Variants in AARS1 observed in about 807,000 individuals in gnomAD.
The protein encoded by AARS1 is alanyl-tRNA synthetase 1.
A neutral mutation model predicts 108.9 loss-of-function variants in AARS1; 72 were observed. That is an observed-to-expected ratio of 0.66 (90% CI 0.55 to 0.80). The LOEUF (loss-of-function observed/expected upper bound fraction) is 0.80. AARS1 is among the 30% of genes least tolerant of loss of function. The probability of loss-of-function intolerance (pLI) is 0.00; values close to 1 mark genes in which losing one functional copy is unlikely to be tolerated. For synonymous variants in AARS1, 489 were observed against 465.7 expected, an observed-to-expected ratio of 1.05 and a Z score of -0.64; for missense variants, 1,193 against 1,233.2, an observed-to-expected ratio of 0.97 and a Z score of 0.49.
At chr16:70,263,817 G>A in intron 11 of AARS1, among the ~76,000 whole-genome samples, 1 of 151,778 alleles carries the variant, frequency 6.6e-6, no homozygotes, top group East Asian at 2.0e-4. Flanking sequence ...TTGTATTTCT[G>A]GTAGAGACAG....
chr16:70,255,938 A>T, intron 15 of AARS1, 102 bp from the exon 16 acceptor site: 4 of 1,104,422 alleles, frequency 3.6e-6, no homozygotes, highest in Non-Finnish European at 5.4e-6. Context: ...GTTGACAGTC[A>T]GGGAAAGCCT....
Position 70,282,617 on chromosome 16 carries a change from T to C in AARS1, c.144+3A>G. 1 of 1,614,104 alleles carries C rather than the reference T, an allele frequency of 6.2e-7. No individual in the cohort carries two copies. Among genetic ancestry groups the C allele is most frequent in the South Asian group, 1.1e-5 (1 of 91,074 alleles). ...AAGCCAAGAAAAAAGGAAAAACCCT[T>C]ACCTGGTTCATGCCTGCATTGGCAA... On this transcript the variant is annotated splice_donor_region_variant and intron_variant, in intron 2 of 20. Coordinates refer to ENST00000261772, the MANE Select transcript of AARS1 (RefSeq NM_001605.3).
At chr16:70,267,069 C>T (rs1464896196) in intron 9 of AARS1, among the ~76,000 whole-genome samples, 1 of 152,140 alleles carries the variant, frequency 6.6e-6, no homozygotes, top group Non-Finnish European at 1.5e-5. Context: ...AACTCATGAC[C>T]TCGTGATCCG....
intron 11 of AARS1, among the ~76,000 whole-genome samples, chr16:70,263,065 A>C (rs531321714): frequency 6.3e-4 from 95 of 150,150 alleles, no homozygotes; most frequent in African/African-American, 2.3e-3. Context: ...TCGGGTGACC[A>C]ACTGTCCCAA....
intron 2 of AARS1, among the ~76,000 whole-genome samples, chr16:70,278,785 A>AT (rs560223922): frequency 9.9e-4 from 150 of 152,180 alleles, no homozygotes; most frequent in South Asian, 3.1e-3. Context: ...TGGGTGCCTA[A>AT]TATCATTTCA....
intron 3 of AARS1, 134 bp from the exon 4 acceptor site, chr16:70,276,765 G>T: frequency 8.2e-7 from 1 of 1,224,396 alleles, no homozygotes; most frequent in Non-Finnish European, 1.2e-6. Flanking sequence ...ATCAGTTTAT[G>T]TAAGAAATCC....
chr16:70,266,560 T>C (rs1447166230), intron 9 of AARS1, among the ~76,000 whole-genome samples: 2 of 151,070 alleles, frequency 1.3e-5, no homozygotes, highest in Non-Finnish European at 3.0e-5. Flanking sequence ...CTCACTCTGT[T>C]GCCCAGGCTG....
At chr16:70,279,517 A>G (rs1960639945) in intron 2 of AARS1, among the ~76,000 whole-genome samples, 1 of 151,704 alleles carries the variant, frequency 6.6e-6, no homozygotes, top group Admixed American at 6.6e-5. Context: ...AAAATTAGCC[A>G]GGTGTGGTGG....
Position 70,262,492 on chromosome 16 carries a change from G to C in AARS1, c.1525C>G (p.Leu509Val), listed in dbSNP as rs761096936. Reference sequence around the variant, plus strand: ...TCCACGAACATCTTCTCCCTGCGCAGAGCCATCACCGTAGCCACTGTGTTC... The same window carrying C: ...TCCACGAACATCTTCTCCCTGCGCACAGCCATCACCGTAGCCACTGTGTTC... ...FENTVATVMA[L>V]RREKMFVEEV... Residue 509 changes from leucine (L) to valine (V), a missense_variant, in exon 12 of 21, where the codon CTG becomes GTG. Leu to Val is a conservative substitution (Grantham distance 32). Transcript: ENST00000261772. 7 of 1,614,018 alleles carry C rather than the reference G, an allele frequency of 4.3e-6. No homozygotes were observed. The highest frequency in any genetic ancestry group is 1.7e-5 in the Admixed American group (1 of 60,006).
At chr16:70,257,710 G>C (rs1960024822) in intron 15 of AARS1, among the ~76,000 whole-genome samples, 1 of 152,172 alleles carries the variant, frequency 6.6e-6, no homozygotes, top group South Asian at 2.1e-4. Flanking sequence ...AAGCACTCCA[G>C]GCCTTGCTGA....
At chr16:70,272,784 G>T (rs976517887) in intron 4 of AARS1, among the ~76,000 whole-genome samples, 1 of 151,108 alleles carries the variant, frequency 6.6e-6, no homozygotes, top group East Asian at 1.9e-4. Context: ...TAGCTGGGGG[G>T]GTGATGCATA....
chr16:70,269,338 A>G (rs1223032869), intron 7 of AARS1, among the ~76,000 whole-genome samples: 2 of 36,446 alleles, frequency 5.5e-5, no homozygotes, highest in Admixed American at 4.7e-4. Context: ...AAAAAAAAAA[A>G]AAAAAAAAAA....
chr16:70,280,508 T>C (rs1296893702), intron 2 of AARS1, among the ~76,000 whole-genome samples: 2 of 152,176 alleles, frequency 1.3e-5, no homozygotes, highest in Non-Finnish European at 2.9e-5. Flanking sequence ...AGAGGCAGAA[T>C]ATGTCCCCAT....
At chr16:70,278,805 A>G (rs199754609) in intron 2 of AARS1, among the ~76,000 whole-genome samples, 3 of 147,248 alleles carry the variant, frequency 2.0e-5, no homozygotes, top group African/African-American at 2.5e-5. Context: ...AAATTGGGGG[A>G]AAAAAAAAAG....
intron 15 of AARS1, among the ~76,000 whole-genome samples, chr16:70,257,435 C>A (rs761038120): frequency 3.9e-5 from 6 of 152,072 alleles, no homozygotes; most frequent in Non-Finnish European, 7.4e-5. Flanking sequence ...ACAAAAAAAA[C>A]CACAATTCTT....
chr16:70,271,463 T>C (rs1960400070), intron 5 of AARS1, among the ~76,000 whole-genome samples: 1 of 148,432 alleles, frequency 6.7e-6, no homozygotes, highest in African/African-American at 2.5e-5. Context: ...AGGGCACAGA[T>C]GTTGCAGTAA....
At chr16:70,289,058 T>C (rs1960954112) in intron 1 of AARS1, among the ~76,000 whole-genome samples, 1 of 149,110 alleles carries the variant, frequency 6.7e-6, no homozygotes, top group Non-Finnish European at 1.5e-5. Flanking sequence ...CGGCATCAGC[T>C]GTTTAGTTAA....
At chr16:70,270,095 G>A (rs770163341) in intron 6 of AARS1, 101 bp downstream of exon 6, 16 of 1,438,706 alleles carry the variant, frequency 1.1e-5, no homozygotes, top group Non-Finnish European at 1.6e-5. Context: ...GGGTACCCTT[G>A]GCTGGCAAAG....
In AARS1 at chr16:70,270,329, C is replaced by T. The variant is rs771691664; in HGVS notation, c.683G>A (p.Gly228Asp). 6.2e-7 allele frequency: 1 copy of T among 1,614,016 alleles called. No individual in the cohort carries two copies. Among genetic ancestry groups the T allele is most frequent in the Non-Finnish European group, 8.5e-7 (1 of 1,180,032 alleles). ...VFIQYNREADGILKPLPKKSI... is the reference protein window; with the variant it reads ...VFIQYNREADDILKPLPKKSI... ...TTTCTTGGGAAGAGGTTTCAGAATG[C>T]CATCAGCTTCCCTGTATGATCCAGA... The change falls in exon 6 of 21, where the codon GGC becomes GAC. Residue 228 changes from glycine (G) to aspartate (D), a missense_variant. Transcript: ENST00000261772.
Sources: gnomAD v4.1 joint callset for allele counts (sites outside exome capture counted in the v4.1 genomes callset) on GRCh38, gnomAD v4.1.1 for gene constraint, MANE v1.5 for transcripts, NCBI Gene and HGNC (gene_info 2026-07-23, HGNC 2026-07-21) for gene names.